Variants in FAM161B observed in about 807,000 individuals in gnomAD.
The protein encoded by FAM161B is protein FAM161B.
In FAM161B, 46 loss-of-function variants were observed where a neutral mutation model predicts 61.5. That is an observed-to-expected ratio of 0.75 (90% CI 0.59 to 0.96). FAM161B has a LOEUF of 0.96. Among genes scored for constraint, FAM161B ranks in the 40% least tolerant of loss-of-function variants. The pLI is 0.00. For missense variants in FAM161B, 774 were observed against 800.7 expected, an observed-to-expected ratio of 0.97 and a Z score of 0.40; for synonymous variants, 284 against 302.7, an observed-to-expected ratio of 0.94 and a Z score of 0.64.
intron 2 of FAM161B, 61 bp downstream of exon 2, chr14:73,946,225 G>C (rs984315044): frequency 1.3e-5 from 20 of 1,497,186 alleles, no homozygotes; most frequent in Non-Finnish European, 1.8e-5. Flanking sequence ...GAAGCCCAGA[G>C]ACACGATGTG....
chr14:73,926,516 C>A (rs2055835796), downstream of FAM161B, among the ~76,000 whole-genome samples: 1 of 152,080 alleles, frequency 6.6e-6, no homozygotes. Flanking sequence ...TCACTGCAAC[C>A]TCTGCCTCCC....
At chr14:73,945,426 T>A (rs1378669264) in intron 2 of FAM161B, among the ~76,000 whole-genome samples, 1 of 152,172 alleles carries the variant, frequency 6.6e-6, no homozygotes, top group Non-Finnish European at 1.5e-5. Context: ...TGTATTTTTT[T>A]TTATTTTTTA....
At chr14:73,941,162 G>C (rs1371025365) in intron 4 of FAM161B, 109 bp from the exon 5 acceptor site, 15 of 1,335,108 alleles carry the variant, frequency 1.1e-5, no homozygotes, top group Admixed American at 5.6e-5. Flanking sequence ...CTTTTGCCCA[G>C]GCTGGAGTGC....
chr14:73,924,739 C>T, the FAM161B span: 15 of 428,030 alleles, frequency 3.5e-5, no homozygotes, highest in African/African-American at 1.3e-4. Context: ...TGCAGTGGTG[C>T]GTTCTCGGCT....
At position 73,942,446 on chromosome 14, in the gene FAM161B, T is replaced by C; in HGVS notation, c.1195A>G (p.Lys399Glu). 1 of 1,614,148 alleles carries C rather than the reference T, an allele frequency of 6.2e-7. No individual in the cohort carries two copies. The highest frequency in any genetic ancestry group is 2.2e-5 in the East Asian group (1 of 44,872). ...TTGGCGGTCCTCAGCAAGAAGGGCT[T>C]GTTGCGAGTGGCCTCTTGGGTTTCT... ...RRETQEATRN[K>E]PFLLRTANLR... The change falls in exon 4 of 9, where the codon AAG becomes GAG. Residue 399 changes from lysine (K) to glutamate (E), a missense_variant. Physicochemically the swap from Lys to Glu is moderately conservative, Grantham distance 56 (BLOSUM62 1). Transcript: ENST00000286544.
chr14:73,931,569 A>C (rs372004287), downstream of FAM161B: 3 of 1,606,852 alleles, frequency 1.9e-6, no homozygotes, highest in African/African-American at 4.0e-5. Context: ...TGGAAGAGCA[A>C]CTCTATCTGA....
chr14:73,924,899 G>T, the FAM161B span: 2 of 312,600 alleles, frequency 6.4e-6, no homozygotes, highest in Non-Finnish European at 6.2e-6. Flanking sequence ...GGATGGTCTC[G>T]ATCTCTTGAC....
rs766586366 is a variant in FAM161B, at chr14:73,942,372, C to T, written c.1269G>A (p.Arg423=). 1.6e-5 allele frequency: 26 copies of T among 1,613,398 alleles called. No homozygotes were observed. Among genetic ancestry groups the T allele is most frequent in the Non-Finnish European group, 2.2e-5 (26 of 1,179,638 alleles). ...CCACAGCTGCCTGGGCTCTCACCTG[C>T]CTCCTTCCGGTGGTGGCAGCATCAC... ...RPCDAATTGR[R]QDSPQPPATP... The change falls in exon 4 of 9, where the codon AGG becomes AGA. Residue 423 remains arginine (R), a synonymous_variant. Coordinates refer to ENST00000286544, the MANE Select transcript of FAM161B (RefSeq NM_152445.3).
Position 73,944,481 on chromosome 14 carries a change from C to T in FAM161B, c.779G>A (p.Ser260Asn). 6.2e-7 allele frequency: 1 copy of T among 1,614,012 alleles called. No homozygotes were observed. ...ELLLSSLKPF[S>N]FLEKEEQLKE... ...TAGCTGCTCCTCCTTCTCCAGGAAG[C>T]TGAAGGGCTTCAAAGAAGAGAGGAG... The change falls in exon 3 of 9, where the codon AGC becomes AAC. Residue 260 changes from serine to asparagine, a missense_variant. Physicochemically the swap from Ser to Asn is conservative, Grantham distance 46 (BLOSUM62 1). Coordinates refer to ENST00000286544, the MANE Select transcript of FAM161B (RefSeq NM_152445.3).
chr14:73,932,340 C>T lies in FAM161B; in HGVS notation c.*1916G>A. 2.8e-6 allele frequency: 1 copy of T among 358,384 alleles called. No individual in the cohort carries two copies. The highest frequency in any genetic ancestry group is 5.4e-6 in the Non-Finnish European group (1 of 184,260). The allele number at this position is 358,384 out of a possible 1,614,324, so 22.2% of individuals were successfully genotyped here. A position where few individuals can be genotyped will look rare whatever the true frequency, so the allele number is the denominator to read the frequency against. On this transcript the variant is annotated 3_prime_UTR_variant, in exon 9 of 9. Coordinates refer to ENST00000286544, the MANE Select transcript of FAM161B (RefSeq NM_152445.3). ...TTAGAGATTAAGAATTTAATCTTTC[C>T]CTTTAAAATAGTGTATTGATTTACC...
At chr14:73,938,231 G>T in intron 5 of FAM161B, 119 bp from the exon 6 acceptor site, 3 of 1,164,514 alleles carry the variant, frequency 2.6e-6, no homozygotes, top group Non-Finnish European at 3.6e-6. Context: ...GGCCAAGGCA[G>T]GTGGATCACC....
Position 73,944,427 on chromosome 14 carries a change from G to C in FAM161B, c.833C>G (p.Ala278Gly), listed in dbSNP as rs777118007. The C allele has an allele frequency of 5.6e-6, 9 of 1,613,238 alleles. No homozygotes were observed. The Admixed American group carries it at 1.5e-4, about 27-fold the overall frequency. The change falls in exon 3 of 9, where the codon GCA becomes GGA. Residue 278 changes from alanine (A) to glycine (G), a missense_variant. Coordinates refer to ENST00000286544, the MANE Select transcript of FAM161B (RefSeq NM_152445.3). The part of the protein sequence containing the change: ...LKEAARQRDL[A>G]ATAEAKISKQ... Reference sequence around the variant, plus strand: ...GGAGATCTTGGCTTCAGCTGTGGCTGCCAAGTCTCTCTGTCGAGCAGCTTC... The same window carrying C: ...GGAGATCTTGGCTTCAGCTGTGGCTCCCAAGTCTCTCTGTCGAGCAGCTTC...
intron 6 of FAM161B, 28 bp downstream of exon 6, chr14:73,937,920 C>T: frequency 6.2e-7 from 1 of 1,612,436 alleles, no homozygotes; most frequent in Non-Finnish European, 8.5e-7. Flanking sequence ...AAGGCAAGCA[C>T]CCCTTTTGAC....
the FAM161B span, among the ~76,000 whole-genome samples, chr14:73,925,520 C>T: frequency 2.0e-5 from 3 of 151,928 alleles, no homozygotes; most frequent in East Asian, 5.8e-4. Context: ...CTCCGCCTCT[C>T]AGGTTCAAGC....
chr14:73,932,133 C>T (rs1172941738), downstream of FAM161B: 2 of 391,698 alleles, frequency 5.1e-6, no homozygotes, highest in Non-Finnish European at 1.0e-5. Context: ...GTCCTATACA[C>T]TTCTACTTGG....
the FAM161B span, among the ~76,000 whole-genome samples, chr14:73,924,361 G>T: frequency 6.6e-6 from 1 of 152,170 alleles, no homozygotes; most frequent in Admixed American, 6.6e-5. Flanking sequence ...CTGCTGTGTG[G>T]CCTGGTTCCT....
At position 73,946,255 on chromosome 14, in the gene FAM161B, GTGAGGCAGCCGTGGAGC is replaced by G; in HGVS notation, c.374+14_374+30del. 1 of 1,595,486 alleles carries G rather than the reference GTGAGGCAGCCGTGGAGC, an allele frequency of 6.3e-7. No homozygotes were observed. Among genetic ancestry groups the G allele is most frequent in the Non-Finnish European group, 8.6e-7 (1 of 1,168,848 alleles). On this transcript the variant is annotated intron_variant, in intron 2 of 8. Coordinates refer to ENST00000286544, the MANE Select transcript of FAM161B (RefSeq NM_152445.3). The stretch of plus-strand genomic sequence containing the variant: ...GATGTGACCTGTGTGGAGGTGTGGA[GTGAGGCAGCCGTGGAGC>G]TGCAGTGCCTTACCTCAGAGCCTGC...
rs2056052715 is a variant in FAM161B, at chr14:73,944,835, A to G, written c.425T>C (p.Ile142Thr). ...CSSLNNLPSN[I>T]PRPQTQPPSG... ...GGGTGGCTGGGTCTGAGGCCTGGGA[A>G]TGTTGGAGGGAAGGTTGTTCAGGGA... Residue 142 changes from isoleucine to threonine, a missense_variant, in exon 3 of 9, where the codon ATT becomes ACT. By Grantham distance (89) the Ile-to-Thr change is moderately conservative. Transcript: ENST00000286544. The G allele has an allele frequency of 6.5e-7, 1 of 1,537,606 alleles. No homozygotes were observed. The highest frequency in any genetic ancestry group is 8.7e-7 in the Non-Finnish European group (1 of 1,143,924).
chr14:73,922,949 ATAAAC>A, the FAM161B span: 2 of 152,776 alleles, frequency 1.3e-5, no homozygotes, highest in African/African-American at 4.8e-5. Flanking sequence ...TGGTATATCC[ATAAAC>A]TATTTCCAGA....
Sources: gnomAD v4.1 joint callset for allele counts (sites outside exome capture counted in the v4.1 genomes callset) on GRCh38, gnomAD v4.1.1 for gene constraint, MANE v1.5 for transcripts, NCBI Gene and HGNC (gene_info 2026-07-23, HGNC 2026-07-21) for gene names.